TMPRSS11E: variants seen among roughly 807,000 people sequenced by gnomAD.
The protein encoded by TMPRSS11E is transmembrane protease serine 11E.
TMPRSS11E carries 38 observed loss-of-function variants against 48.1 expected under a neutral mutation model. The observed-to-expected ratio is 0.79, with a 90% confidence interval of 0.61 to 1.04. TMPRSS11E has a LOEUF of 1.04. TMPRSS11E is among the 50% of genes least tolerant of loss of function. TMPRSS11E has a pLI of 0.00. For synonymous variants in TMPRSS11E, 158 were observed against 171.9 expected, an observed-to-expected ratio of 0.92 and a Z score of 0.63; for missense variants, 530 against 510.8, an observed-to-expected ratio of 1.04 and a Z score of -0.36.
chr4:68,452,375 G>A (rs537238747), intron 1 of TMPRSS11E, among the ~76,000 whole-genome samples: 108 of 151,908 alleles, frequency 7.1e-4, no homozygotes, highest in Non-Finnish European at 1.4e-3. Context: ...GGTACATATC[G>A]TAACAATAAA....
At chr4:68,473,685 C>G (rs1455708546) in intron 5 of TMPRSS11E, among the ~76,000 whole-genome samples, 1 of 152,054 alleles carries the variant, frequency 6.6e-6, no homozygotes, top group Non-Finnish European at 1.5e-5. Context: ...GTGTGAGACC[C>G]AGTGCAGATG....
In TMPRSS11E at chr4:68,474,713, T is replaced by C. The variant is rs752336205; in HGVS notation, c.491-10T>C. On this transcript the variant is annotated splice_polypyrimidine_tract_variant and intron_variant, in intron 5 of 9. Transcript: ENST00000305363. ...GTGCTGACCCTATTTGCCATTTCTG[T>C]GTGTTTCAGAAATCAACAAGACAGA... 1 of 1,607,270 alleles carries C rather than the reference T, an allele frequency of 6.2e-7. No individual in the cohort carries two copies. The highest frequency in any genetic ancestry group is 1.3e-5 in the African/African-American group (1 of 74,532).
rs375419198 is a variant in TMPRSS11E at position 68,477,433 on chromosome 4, C to T, written c.772C>T (p.Arg258Trp). The change falls in exon 8 of 10, where the codon CGG (arginine) becomes TGG (tryptophan). Residue 258 changes from arginine to tryptophan, a missense_variant. Arg to Trp is a moderately radical substitution (Grantham distance 101). Transcript: ENST00000305363. ...GVTIKPSKMK[R>W]GLRRIIVHEK... is the part of the protein sequence containing the mutation. Reference sequence around the variant, plus strand: ...AACAATAAAACCTTCGAAAATGAAACGGGGTCTCCGGAGAATAATTGTCCA... The same window carrying T: ...AACAATAAAACCTTCGAAAATGAAATGGGGTCTCCGGAGAATAATTGTCCA... 2.0e-5 allele frequency: 32 copies of T among 1,613,984 alleles called. No individual in the cohort carries two copies. Among genetic ancestry groups the T allele is most frequent in the African/African-American group, 6.7e-5 (5 of 74,998 alleles).
chr4:68,456,010 C>T (rs935687917), intron 1 of TMPRSS11E, among the ~76,000 whole-genome samples: 1 of 151,840 alleles, frequency 6.6e-6, no homozygotes, highest in African/African-American at 2.4e-5. Context: ...AGAGATCAGG[C>T]CAAGTGTCAA....
intron 9 of TMPRSS11E, among the ~76,000 whole-genome samples, chr4:68,490,028 G>A (rs1441359578): frequency 1.3e-5 from 2 of 152,174 alleles, no homozygotes; most frequent in African/African-American, 2.4e-5. Flanking sequence ...TGGGGGATGA[G>A]GGGTCTCCTG....
chr4:68,450,395 C>A (rs910379387), intron 1 of TMPRSS11E, among the ~76,000 whole-genome samples: 1 of 151,864 alleles, frequency 6.6e-6, no homozygotes, highest in South Asian at 2.1e-4. Flanking sequence ...ATTGTCTAGG[C>A]GGTTAGTAAG....
At chr4:68,486,835 T>C (rs1729567427) in intron 9 of TMPRSS11E, among the ~76,000 whole-genome samples, 1 of 152,260 alleles carries the variant, frequency 6.6e-6, no homozygotes, top group African/African-American at 2.4e-5. Flanking sequence ...TACATTTAGA[T>C]AGTTAATCTT....
intron 9 of TMPRSS11E, among the ~76,000 whole-genome samples, chr4:68,496,371 G>A (rs1352540458): frequency 1.3e-5 from 2 of 151,940 alleles, no homozygotes; most frequent in Admixed American, 6.6e-5. Flanking sequence ...TAAGAGTACA[G>A]TTCTTCAAAG....
chr4:68,450,140 G>T (rs1322651414), intron 1 of TMPRSS11E, among the ~76,000 whole-genome samples: 1 of 151,822 alleles, frequency 6.6e-6, no homozygotes, highest in Non-Finnish European at 1.5e-5. Context: ...GTTGCTATAT[G>T]GTTGTGTTAT....
At chr4:68,470,287 A>C (rs1560552024) in intron 4 of TMPRSS11E, among the ~76,000 whole-genome samples, 1 of 151,866 alleles carries the variant, frequency 6.6e-6, no homozygotes, top group Non-Finnish European at 1.5e-5. Flanking sequence ...GGAATATAGG[A>C]AACTTAGATA....
Position 68,469,174 on chromosome 4 carries a change from T to C in TMPRSS11E, c.326+228T>C, listed in dbSNP as rs147536775. 1.1e-3 allele frequency among the ~76,000 whole-genome samples: 164 copies of C among 152,160 alleles called. 1 individual carries two copies. The East Asian group carries it at 0.031, about 28-fold the overall frequency. Reference sequence around the variant, plus strand: ...AGAGGTATAATTGGTGCCTATGTTATAAAATTGTTTTCTGGGAAACTTACC... The same window carrying C: ...AGAGGTATAATTGGTGCCTATGTTACAAAATTGTTTTCTGGGAAACTTACC... On this transcript the variant is annotated intron_variant, in intron 4 of 9. Transcript: ENST00000305363.
chr4:68,490,282 G>C (rs1012449839), intron 9 of TMPRSS11E, among the ~76,000 whole-genome samples: 3 of 151,966 alleles, frequency 2.0e-5, no homozygotes, highest in African/African-American at 7.3e-5. Flanking sequence ...TCCCTCACTG[G>C]GAGAAGGTCT....
At chr4:68,461,313 T>C (rs1487989508) in intron 1 of TMPRSS11E, among the ~76,000 whole-genome samples, 1 of 152,160 alleles carries the variant, frequency 6.6e-6, no homozygotes, top group African/African-American at 2.4e-5. Context: ...ATTAGAAGAA[T>C]AGAATTAGCA....
intron 8 of TMPRSS11E, among the ~76,000 whole-genome samples, chr4:68,478,634 T>C (rs970286961): frequency 6.6e-6 from 1 of 151,466 alleles, no homozygotes; most frequent in Admixed American, 6.6e-5. Flanking sequence ...TTTGTATTTT[T>C]AGTAGAGACA....
intron 2 of TMPRSS11E, among the ~76,000 whole-genome samples, chr4:68,464,875 T>C (rs933029382): frequency 2.6e-5 from 4 of 152,206 alleles, no homozygotes; most frequent in Non-Finnish European, 4.4e-5. Flanking sequence ...ATCTTGAGTC[T>C]AACTTTAGAC....
At chr4:68,450,882 AG>A (rs34931688) in intron 1 of TMPRSS11E, among the ~76,000 whole-genome samples, 8,066 of 151,986 alleles carry the variant, frequency 0.053, 272 homozygotes, top group South Asian at 0.079. Flanking sequence ...TGTTTATCTT[AG>A]AGCAATATTT....
chr4:68,485,644 C>G (rs987203402), intron 9 of TMPRSS11E, among the ~76,000 whole-genome samples: 1 of 152,126 alleles, frequency 6.6e-6, no homozygotes, highest in Non-Finnish European at 1.5e-5. Context: ...GTTTTGGTAT[C>G]AGAAAAACAC....
At chr4:68,449,731 A>G (rs1728442957) in intron 1 of TMPRSS11E, among the ~76,000 whole-genome samples, 1 of 151,846 alleles carries the variant, frequency 6.6e-6, no homozygotes, top group Admixed American at 6.6e-5. Flanking sequence ...ATAGAAAAAG[A>G]AAAAGAAATG....
At chr4:68,474,184 T>C (rs976257849) in intron 5 of TMPRSS11E, among the ~76,000 whole-genome samples, 1 of 152,162 alleles carries the variant, frequency 6.6e-6, no homozygotes, top group Admixed American at 6.6e-5. Context: ...GGGCAGACTG[T>C]CTTTTGAAAT....
Sources: allele counts gnomAD v4.1 joint callset (sites outside exome capture counted in the v4.1 genomes callset), GRCh38; gene constraint gnomAD v4.1.1; transcripts MANE v1.5; gene names NCBI Gene and HGNC (gene_info 2026-07-23, HGNC 2026-07-21).